The following KLHL14 variants were observed in gnomAD, a reference collection of about 807,000 sequenced individuals.
KLHL14 encodes kelch like family member 14.
A neutral mutation model predicts 64.3 loss-of-function variants in KLHL14; 22 were observed. That is an observed-to-expected ratio of 0.34 (90% CI 0.24 to 0.49). The LOEUF (loss-of-function observed/expected upper bound fraction) is 0.49. Ranked by LOEUF, KLHL14 falls within the 20% of genes least tolerant of loss-of-function variation. KLHL14 has a pLI of 0.99. For missense variants in KLHL14, 661 were observed against 789.0 expected (o/e 0.84, Z 1.94); for synonymous variants, 322 against 333.4 (o/e 0.97, Z 0.37).
At chr18:32,677,082 G>T in intron 8 of KLHL14, 91 bp downstream of exon 8, 2 of 1,310,822 alleles carry the variant, frequency 1.5e-6, no homozygotes, top group Non-Finnish European at 2.1e-6. Flanking sequence ...CTCTTAAAAG[G>T]TACATGTGTG....
At chr18:32,771,010 G>T in intron 1 of KLHL14, 1 of 392,850 alleles carries the variant, frequency 2.5e-6, no homozygotes, top group Non-Finnish European at 5.1e-6. Context: ...GCACCTCGTG[G>T]GCTCGTGTCC....
intron 7 of KLHL14, 90 bp from the exon 8 acceptor site, chr18:32,677,420 G>A: frequency 8.6e-7 from 1 of 1,156,676 alleles, no homozygotes; most frequent in Non-Finnish European, 1.2e-6. Context: ...CAAGTCTCAA[G>A]CCAAAATAGA....
intron 2 of KLHL14, among the ~76,000 whole-genome samples, chr18:32,766,328 A>G (rs888715175): frequency 6.6e-6 from 1 of 152,030 alleles, no homozygotes; most frequent in African/African-American, 2.4e-5. Flanking sequence ...AATTTAGACT[A>G]TGTCTTCTGT....
At chr18:32,689,017 G>A (rs927304447) in intron 4 of KLHL14, among the ~76,000 whole-genome samples, 2 of 152,192 alleles carry the variant, frequency 1.3e-5, no homozygotes, top group Non-Finnish European at 2.9e-5. Flanking sequence ...CATTAGGGAT[G>A]GCTGCTAGGT....
intron 2 of KLHL14, among the ~76,000 whole-genome samples, chr18:32,760,633 G>A (rs557914757): frequency 4.3e-4 from 66 of 152,204 alleles, no homozygotes; most frequent in African/African-American, 1.2e-3. Context: ...CAGAGTCCCC[G>A]CGCAGGTGCA....
chr18:32,704,626 G>A (rs1158227333), intron 3 of KLHL14, among the ~76,000 whole-genome samples: 1 of 152,100 alleles, frequency 6.6e-6, no homozygotes. Context: ...GGGGGCTGGG[G>A]CAGGACAATC....
intron 3 of KLHL14, among the ~76,000 whole-genome samples, chr18:32,715,670 A>T (rs34933154): frequency 0.023 from 3,519 of 152,272 alleles, 81 homozygotes; most frequent in Admixed American, 0.053. Flanking sequence ...TTAGGAATAC[A>T]CGTATATTTA....
chr18:32,756,379 A>T (rs1462791135), intron 2 of KLHL14, among the ~76,000 whole-genome samples: 1 of 148,862 alleles, frequency 6.7e-6, no homozygotes, highest in African/African-American at 2.5e-5. Flanking sequence ...AGCCACTTGG[A>T]GACTTTAGGG....
intron 2 of KLHL14, chr18:32,743,132 T>G (rs2049337): frequency 0.99 from 151,376 of 152,368 alleles, 75,206 homozygotes; most frequent in Middle Eastern, 1. Flanking sequence ...TCGCTTTACA[T>G]GTAATTGAAC....
intron 5 of KLHL14, among the ~76,000 whole-genome samples, chr18:32,682,017 A>G (rs1163917316): frequency 1.3e-5 from 2 of 152,184 alleles, no homozygotes; most frequent in African/African-American, 4.8e-5. Flanking sequence ...AGTGCTTGTC[A>G]TAGTGTCCAG....
At chr18:32,676,206 C>T (rs879337502) in intron 8 of KLHL14, among the ~76,000 whole-genome samples, 2 of 152,246 alleles carry the variant, frequency 1.3e-5, no homozygotes, top group East Asian at 3.9e-4. Context: ...AACTTCCAGT[C>T]TCCAGAAAAT....
At chr18:32,738,924 G>T (rs947837889) in intron 3 of KLHL14, among the ~76,000 whole-genome samples, 8 of 152,102 alleles carry the variant, frequency 5.3e-5, no homozygotes, top group Non-Finnish European at 8.8e-5. Flanking sequence ...ATTCTTCTGT[G>T]ATATAAGGTG....
chr18:32,687,125 A>G, intron 5 of KLHL14, 30 bp downstream of exon 5: 1 of 1,579,708 alleles, frequency 6.3e-7, no homozygotes, highest in Non-Finnish European at 8.7e-7. Flanking sequence ...GCCGTCACAA[A>G]CGTTTCAGGT....
At chr18:32,766,222 A>T (rs1176739700) in intron 2 of KLHL14, among the ~76,000 whole-genome samples, 1 of 152,086 alleles carries the variant, frequency 6.6e-6, no homozygotes, top group Non-Finnish European at 1.5e-5. Context: ...GTTAATTAAT[A>T]TCTAATCCAA....
chr18:32,711,021 G>T (rs964014657), intron 3 of KLHL14, among the ~76,000 whole-genome samples: 1 of 152,142 alleles, frequency 6.6e-6, no homozygotes, highest in Non-Finnish European at 1.5e-5. Context: ...GGGGAGTAAA[G>T]CCTGAACTGT....
intron 3 of KLHL14, among the ~76,000 whole-genome samples, chr18:32,731,746 T>A (rs889400589): frequency 6.6e-6 from 1 of 151,850 alleles, no homozygotes; most frequent in African/African-American, 2.4e-5. Flanking sequence ...TTTATATATA[T>A]ACATATTTGC....
At chr18:32,713,338 C>T (rs2050029750) in intron 3 of KLHL14, among the ~76,000 whole-genome samples, 3 of 152,222 alleles carry the variant, frequency 2.0e-5, no homozygotes, top group Admixed American at 6.5e-5. Context: ...TATTCCCCTT[C>T]CCACCTAAGC....
chr18:32,719,171 C>G (rs1022410308), intron 3 of KLHL14, among the ~76,000 whole-genome samples: 1 of 152,192 alleles, frequency 6.6e-6, no homozygotes, highest in African/African-American at 2.4e-5. Flanking sequence ...TGGTCTCAAA[C>G]TCCCGACCTC....
chr18:32,720,840 G>T (rs765503125), intron 3 of KLHL14, among the ~76,000 whole-genome samples: 1 of 152,174 alleles, frequency 6.6e-6, no homozygotes, highest in Non-Finnish European at 1.5e-5. Context: ...TGGACCAGAA[G>T]TCATTGGCAA....
Sources: allele counts gnomAD v4.1 joint callset (sites outside exome capture counted in the v4.1 genomes callset), GRCh38; gene constraint gnomAD v4.1.1; transcripts MANE v1.5; gene names NCBI Gene and HGNC (gene_info 2026-07-23, HGNC 2026-07-21).